PLXND1: variants seen among roughly 807,000 people sequenced by gnomAD.
PLXND1 encodes plexin-D1.
A neutral mutation model predicts 197.7 loss-of-function variants in PLXND1; 54 were observed. The observed-to-expected ratio is 0.27, with a 90% CI of 0.22 to 0.34. The LOEUF is 0.34. Among genes scored for constraint, PLXND1 ranks in the 10% least tolerant of loss-of-function variants. The probability of loss-of-function intolerance (pLI) is 1.00; values close to 1 mark genes in which losing one functional copy is unlikely to be tolerated. For missense variants in PLXND1, 2,127 were observed against 2,699.2 expected, an observed-to-expected ratio of 0.79 and a Z score of 4.70; for synonymous variants, 1,180 against 1,161.2, an observed-to-expected ratio of 1.02 and a Z score of -0.33.
At chr3:129,564,492 A>G (rs1284570532) in intron 25 of PLXND1, among the ~76,000 whole-genome samples, 1 of 152,336 alleles carries the variant, frequency 6.6e-6, no homozygotes, top group South Asian at 2.1e-4. Context: ...TCAAAAATTA[A>G]TAACAAAAAA....
At chr3:129,585,810 AGTCATT>A in intron 5 of PLXND1, 136 bp downstream of exon 5, 1 of 1,161,690 alleles carries the variant, frequency 8.6e-7, no homozygotes, top group Admixed American at 1.9e-5. Flanking sequence ...AGGAAAGCCC[AGTCATT>A]GTCACTGTTC....
chr3:129,586,410 A>G, intron 3 of PLXND1, 138 bp from the exon 4 acceptor site: 1 of 1,034,928 alleles, frequency 9.7e-7, no homozygotes. Flanking sequence ...CATGGGAGAC[A>G]AGGCTTCCCT....
At position 129,561,876 on chromosome 3, in the gene PLXND1, T is replaced by C. The variant is rs755430677; in HGVS notation, c.4853A>G (p.Tyr1618Cys). The change falls in exon 28 of 36, where the codon TAC becomes TGC. Residue 1618 changes from tyrosine (Y) to cysteine (C), a missense_variant. Physicochemically the swap from Tyr to Cys is radical, Grantham distance 194. Around this residue, in one of 6 missense-constraint regions of PLXND1, gnomAD observed 532 missense variants for 811.0 expected, o/e 0.66. Transcript: ENST00000324093. ...GGTGTCGTCCAGGTCCCGAAGGATG[T>C]AGCTCTGTGTGCTGGAGGCGAACCA... ...LEWFASSTQS[Y>C]ILRDLDDTSV... The C allele has an allele frequency of 6.2e-7, 1 of 1,613,882 alleles. No homozygotes were observed. The highest frequency in any genetic ancestry group is 8.5e-7 in the Non-Finnish European group (1 of 1,179,846).
rs763463889 is a variant in PLXND1, at chr3:129,557,050, AG to A, written c.5586+32del. 1 of 1,608,346 alleles carries A rather than the reference AG, an allele frequency of 6.2e-7. No homozygotes were observed. Among genetic ancestry groups the A allele is most frequent in the Non-Finnish European group, 8.5e-7 (1 of 1,178,314 alleles). On this transcript the variant is annotated intron_variant, in intron 34 of 35. Coordinates refer to ENST00000324093, the MANE Select transcript of PLXND1 (RefSeq NM_015103.3). The surrounding 1 kb of genome is among the most constrained non-coding windows in gnomAD (Gnocchi z 4.8). Reference sequence around the variant, plus strand: ...CCGACCCCCGATCCCTCAGCTCTTCAGGCCCCCATCCCCCGCCGCCGAGCCA... The same window carrying A: ...CCGACCCCCGATCCCTCAGCTCTTCAGCCCCCATCCCCCGCCGCCGAGCCA...
chr3:129,569,733 C>A, intron 20 of PLXND1, 110 bp downstream of exon 20: 1 of 683,060 alleles, frequency 1.5e-6, no homozygotes, highest in Admixed American at 2.1e-5. Context: ...AGCCTTTGTT[C>A]AAGCTGTGCC....
At chr3:129,594,895 G>A (rs2085597859) in intron 1 of PLXND1, among the ~76,000 whole-genome samples, 1 of 151,344 alleles carries the variant, frequency 6.6e-6, no homozygotes, top group Non-Finnish European at 1.5e-5. Flanking sequence ...CGCAAAGCAG[G>A]TCACATCTCC....
chr3:129,583,743 C>A, intron 7 of PLXND1, 74 bp from the exon 8 acceptor site: 1 of 966,486 alleles, frequency 1.0e-6, no homozygotes, highest in South Asian at 1.4e-5. Context: ...AACTAGAACC[C>A]AAAAGGCAGA....
At chr3:129,575,586 T>TA (rs1560069910) in intron 10 of PLXND1, 24 bp from the exon 11 acceptor site, 1 of 1,519,690 alleles carries the variant, frequency 6.6e-7, no homozygotes, top group East Asian at 2.4e-5. Flanking sequence ...GAAAAGAGCA[T>TA]AGGGGGCATG....
rs754896240 is a variant in PLXND1 at position 129,558,402 on chromosome 3, C to G, written c.5445+26G>C. 6.8e-6 allele frequency: 11 copies of G among 1,609,858 alleles called. No homozygotes were observed. In the South Asian group the frequency reaches 1.2e-4, roughly 18 times the overall value. ...CCCCACTCTGGCCCTGTGCATGGGC[C>G]TGGCCTGGTCCTGGGAACAGCTGAC... On this transcript the variant is annotated intron_variant, in intron 33 of 35. Coordinates refer to ENST00000324093, the MANE Select transcript of PLXND1 (RefSeq NM_015103.3). The surrounding 1 kb of genome is among the most constrained non-coding windows in gnomAD (Gnocchi z 4.1).
intron 2 of PLXND1, among the ~76,000 whole-genome samples, chr3:129,587,270 G>A (rs1431552883): frequency 6.6e-6 from 1 of 152,202 alleles, no homozygotes; most frequent in Admixed American, 6.5e-5. Flanking sequence ...AGCGGCCGAG[G>A]GAGTTGGCAA....
intron 1 of PLXND1, among the ~76,000 whole-genome samples, chr3:129,599,711 T>C (rs1382425824): frequency 6.6e-6 from 1 of 152,212 alleles, no homozygotes; most frequent in East Asian, 1.9e-4. Flanking sequence ...TGGCCTGGCC[T>C]CTGCAGATGC....
chr3:129,581,928 G>A (rs1242315836), intron 8 of PLXND1, among the ~76,000 whole-genome samples: 1 of 152,260 alleles, frequency 6.6e-6, no homozygotes, highest in African/African-American at 2.4e-5. Flanking sequence ...CCCCTGCTGT[G>A]TACACAACCC....
rs201071158 is a variant in PLXND1 at position 129,567,618 on chromosome 3, G to A, written c.3974-14C>T. On this transcript the variant is annotated splice_polypyrimidine_tract_variant and intron_variant, in intron 21 of 35. Coordinates refer to ENST00000324093, the MANE Select transcript of PLXND1 (RefSeq NM_015103.3). ...GCTCAGCGAAGCCTGGCGGACACAC[G>A]GACAGCCGTGAGCGGCCCGAGAACC... The A allele has an allele frequency of 2.0e-4, 327 of 1,599,116 alleles. 1 individual carries two copies. Among genetic ancestry groups the A allele is most frequent in the South Asian group, 1.7e-3 (153 of 90,476 alleles).
At chr3:129,596,828 G>A (rs988388762) in intron 1 of PLXND1, among the ~76,000 whole-genome samples, 13 of 152,146 alleles carry the variant, frequency 8.5e-5, no homozygotes, top group Admixed American at 2.6e-4. Context: ...GTCATCGCAC[G>A]ACCGCTGTGG....
intron 27 of PLXND1, among the ~76,000 whole-genome samples, chr3:129,562,290 A>C (rs542751088): frequency 6.6e-6 from 1 of 152,312 alleles, no homozygotes; most frequent in African/African-American, 2.4e-5. Flanking sequence ...AGGCAGGAGG[A>C]TCGCTTGAGC....
In PLXND1 at chr3:129,572,837, C is replaced by A; in HGVS notation, c.2937+5G>T. 1.9e-6 allele frequency: 3 copies of A among 1,613,380 alleles called. No individual in the cohort carries two copies. The highest frequency in any genetic ancestry group is 1.7e-6 in the Non-Finnish European group (2 of 1,179,574). On this transcript the variant is annotated splice_donor_5th_base_variant and intron_variant, in intron 14 of 35. Coordinates refer to ENST00000324093, the MANE Select transcript of PLXND1 (RefSeq NM_015103.3). ...GCCGGACAGTGGGCTGCAGCCCCCC[C>A]TTACCACGTAGGAGAAGCGGTCCCG...
rs375693360 is a variant in PLXND1, at chr3:129,563,252, G to A, written c.4522-12C>T. 28 of 1,600,672 alleles carry A rather than the reference G, an allele frequency of 1.7e-5. No individual in the cohort carries two copies. The African/African-American group carries it at 2.1e-4, about 12-fold the overall frequency. On this transcript the variant is annotated splice_polypyrimidine_tract_variant and intron_variant, in intron 25 of 35. Transcript: ENST00000324093. ...TCCCCCACCGTCTCCTGAGGGGCAC[G>A]GGGGTATCAGGGCCAAGGCCCCCTC...
chr3:129,606,676 T>A lies in PLXND1; in HGVS notation c.-37A>T. 2.4e-6 allele frequency: 2 copies of A among 846,418 alleles called. No individual in the cohort carries two copies. The highest frequency in any genetic ancestry group is 2.8e-6 in the Non-Finnish European group (2 of 705,868). The allele number at this position is 846,418 out of a possible 1,614,324, so 52.4% of individuals were successfully genotyped here. On this transcript the variant is annotated 5_prime_UTR_variant, in exon 1 of 36. An upstream start codon of the reference 5' UTR is lost. Transcript: ENST00000324093. ...CGGGCTGCGCGGCGCGGCGAGTGCA[T>A]GGGGCGAGGCGCGGCCGGGAGCCGG... is the stretch of plus-strand genomic sequence containing the variant.
intron 11 of PLXND1, among the ~76,000 whole-genome samples, chr3:129,575,144 A>G (rs993412086): frequency 2.0e-5 from 3 of 152,116 alleles, no homozygotes; most frequent in African/African-American, 7.2e-5. Flanking sequence ...ACGCGAGGGG[A>G]GCTGACCACA....
Sources: gnomAD v4.1 joint callset for allele counts (sites outside exome capture counted in the v4.1 genomes callset) on GRCh38, gnomAD v4.1.1 for gene constraint, gnomAD v4.1.1 regional missense constraint, Gnocchi (gnomAD v3.1) non-coding constraint, MANE v1.5 for transcripts, NCBI Gene and HGNC (gene_info 2026-07-23, HGNC 2026-07-21) for gene names.